LRRC69: variants seen among roughly 807,000 people sequenced by gnomAD.
LRRC69 encodes the protein leucine-rich repeat-containing protein 69.
A neutral mutation model predicts 37.8 loss-of-function variants in LRRC69; 42 were observed. The ratio of observed to expected loss-of-function variants is 1.11; its 90% CI spans 0.87 to 1.44. LRRC69 has a LOEUF of 1.44. Ranked by LOEUF, LRRC69 falls within the 40% of genes most tolerant of loss-of-function variation. The pLI, the probability that LRRC69 is intolerant of heterozygous loss-of-function variation, is 0.00. For missense variants in LRRC69, 357 were observed against 401.9 expected, an observed-to-expected ratio of 0.89 and a Z score of 0.96; for synonymous variants, 141 against 143.1, an observed-to-expected ratio of 0.99 and a Z score of 0.11.
chr8:91,185,072 G>C (rs2130603818), intron 5 of LRRC69, among the ~76,000 whole-genome samples: 1 of 152,286 alleles, frequency 6.6e-6, no homozygotes, highest in Admixed American at 6.5e-5. Context: ...TGGAAGTAGA[G>C]GCCTCTTCGG....
chr8:91,186,696 G>A (rs1408675370), intron 5 of LRRC69, among the ~76,000 whole-genome samples: 3 of 152,030 alleles, frequency 2.0e-5, no homozygotes, highest in African/African-American at 4.8e-5. Context: ...AAAATTTTGC[G>A]CTGAGATGAA....
chr8:91,173,904 G>A (rs914298470), intron 5 of LRRC69, among the ~76,000 whole-genome samples: 1 of 150,968 alleles, frequency 6.6e-6, no homozygotes, highest in Non-Finnish European at 1.5e-5. Context: ...ATTTTTGGGG[G>A]ACACAAACAT....
chr8:91,110,753 GAATAATTA>G (rs1413165399), intron 1 of LRRC69, among the ~76,000 whole-genome samples: 1 of 151,966 alleles, frequency 6.6e-6, no homozygotes, highest in Non-Finnish European at 1.5e-5. Context: ...TACAAGCATG[GAATAATTA>G]AATATTAAGA....
At chr8:91,136,583 A>G (rs1785788258) in intron 5 of LRRC69, among the ~76,000 whole-genome samples, 1 of 151,998 alleles carries the variant, frequency 6.6e-6, no homozygotes, top group East Asian at 1.9e-4. Context: ...ACATTGTTGC[A>G]CAACCATCAG....
chr8:91,176,134 A>ATATATATATATTTTTTTT lies in LRRC69; in HGVS notation c.652-13387_652-13386insATATATATATTTTTTTTT. Among the ~76,000 whole-genome samples the ATATATATATATTTTTTTT allele has an allele frequency of 6.5e-3, 490 of 75,560 alleles. 5 individuals are homozygous for ATATATATATATTTTTTTT. The highest frequency in any genetic ancestry group is 8.4e-3 in the Non-Finnish European group (347 of 41,544). The allele number at this position is 75,560 out of a possible 152,430, so 49.6% of individuals were successfully genotyped here. A position where few individuals can be genotyped will look rare whatever the true frequency, so the allele number is the denominator to read the frequency against. ...ATCCCTCATATATATATATATATAT[A>ATATATATATATTTTTTTT]TTTTTTTTTTTTCTTTTTTTTGAGA... On this transcript the variant is annotated intron_variant, in intron 5 of 7. Transcript: ENST00000448384.
chr8:91,211,783 T>C (rs914615680), intron 7 of LRRC69, among the ~76,000 whole-genome samples: 1 of 151,902 alleles, frequency 6.6e-6, no homozygotes, highest in Non-Finnish European at 1.5e-5. Flanking sequence ...GTTGCCCCTG[T>C]TGTGCTTTAC....
chr8:91,137,687 T>C (rs1026880688), intron 5 of LRRC69, among the ~76,000 whole-genome samples: 1 of 152,028 alleles, frequency 6.6e-6, no homozygotes, highest in Non-Finnish European at 1.5e-5. Context: ...TTTCAGGAAT[T>C]TCTATAAACA....
chr8:91,190,113 A>G (rs1026896336), intron 6 of LRRC69, among the ~76,000 whole-genome samples: 19 of 152,170 alleles, frequency 1.2e-4, no homozygotes, highest in Admixed American at 5.9e-4. Context: ...AGGTCCTCCC[A>G]CATTTGGCTA....
At chr8:91,175,270 G>A (rs938762035) in intron 5 of LRRC69, among the ~76,000 whole-genome samples, 1 of 151,160 alleles carries the variant, frequency 6.6e-6, no homozygotes, top group African/African-American at 2.5e-5. Context: ...AGGAGGAGCT[G>A]GAATCCTCAG....
At position 91,211,262 on chromosome 8, in the gene LRRC69, G is replaced by A. The variant is rs533307436; in HGVS notation, c.934-7628G>A. On this transcript the variant is annotated intron_variant, in intron 7 of 7. Transcript: ENST00000448384. The stretch of plus-strand genomic sequence containing the variant: ...ATTCTAGCGTTATTAAAATCATTAA[G>A]CTAATAATATCTAGTAAGTATATGA... 4.2e-3 allele frequency among the ~76,000 whole-genome samples: 634 copies of A among 151,920 alleles called. 2 individuals carry two copies. The highest frequency in any genetic ancestry group is 0.014 in the African/African-American group (596 of 41,464).
intron 3 of LRRC69, among the ~76,000 whole-genome samples, chr8:91,132,270 G>T (rs1389082343): frequency 6.6e-6 from 1 of 151,628 alleles, no homozygotes; most frequent in Non-Finnish European, 1.5e-5. Context: ...TTTATTTACT[G>T]CCTCTAATGC....
chr8:91,199,929 T>A (rs529182420), intron 6 of LRRC69, among the ~76,000 whole-genome samples: 13 of 152,344 alleles, frequency 8.5e-5, no homozygotes, highest in Admixed American at 7.8e-4. Flanking sequence ...ATTATTATTA[T>A]TGCAAGTCAA....
At chr8:91,186,599 A>T (rs1016339923) in intron 5 of LRRC69, among the ~76,000 whole-genome samples, 1 of 152,238 alleles carries the variant, frequency 6.6e-6, no homozygotes, top group Non-Finnish European at 1.5e-5. Flanking sequence ...CTTTGGATTT[A>T]TCCTATGGAC....
At chr8:91,167,666 A>G (rs1030154192) in intron 5 of LRRC69, among the ~76,000 whole-genome samples, 1 of 151,982 alleles carries the variant, frequency 6.6e-6, no homozygotes, top group African/African-American at 2.4e-5. Context: ...GCTAATTCCC[A>G]TAATGTAAAT....
chr8:91,107,816 G>A (rs886877128), intron 1 of LRRC69, among the ~76,000 whole-genome samples: 2 of 151,990 alleles, frequency 1.3e-5, no homozygotes, highest in Non-Finnish European at 2.9e-5. Context: ...GAATGCATTT[G>A]GACTGTGGCT....
intron 5 of LRRC69, among the ~76,000 whole-genome samples, chr8:91,142,350 T>C (rs1389565805): frequency 6.6e-6 from 1 of 152,124 alleles, no homozygotes; most frequent in Non-Finnish European, 1.5e-5. Flanking sequence ...CCTGTACTAT[T>C]ATGACTACTT....
At chr8:91,169,749 C>A (rs1809093898) in intron 5 of LRRC69, among the ~76,000 whole-genome samples, 1 of 134,772 alleles carries the variant, frequency 7.4e-6, no homozygotes, top group Non-Finnish European at 1.5e-5. Context: ...GTTCAATTCC[C>A]ACCTATGAGT....
At chr8:91,202,739 T>C (rs1809732789) in intron 7 of LRRC69, among the ~76,000 whole-genome samples, 1 of 152,192 alleles carries the variant, frequency 6.6e-6, no homozygotes, top group South Asian at 2.1e-4. Context: ...GAATTTGGCT[T>C]CTATTTAATA....
intron 5 of LRRC69, among the ~76,000 whole-genome samples, chr8:91,139,887 G>A (rs1563601661): frequency 6.6e-6 from 1 of 151,270 alleles, no homozygotes; most frequent in South Asian, 2.1e-4. Flanking sequence ...TCAGGAGTTC[G>A]CAACCAGCCT....
Sources: gnomAD v4.1 joint callset for allele counts (sites outside exome capture counted in the v4.1 genomes callset) on GRCh38, gnomAD v4.1.1 for gene constraint, MANE v1.5 for transcripts, NCBI Gene and HGNC (gene_info 2026-07-23, HGNC 2026-07-21) for gene names.